ROBO1: variants seen among roughly 807,000 people sequenced by gnomAD.
ROBO1 encodes the protein roundabout homolog 1.
Under a neutral mutation model 195.9 loss-of-function variants are expected in ROBO1, and 149 were observed. The ratio of observed to expected loss-of-function variants is 0.76; its 90% CI spans 0.67 to 0.87. The LOEUF is 0.87. ROBO1 is among the 40% of genes least tolerant of loss of function. The probability of loss-of-function intolerance (pLI) is 0.00; values close to 1 mark genes in which losing one functional copy is unlikely to be tolerated. For missense variants in ROBO1, 1,933 were observed against 2,068.3 expected (o/e 0.93, Z 1.27); for synonymous variants, 816 against 733.2 (o/e 1.11, Z -1.82).
chr3:79,408,888 A>G (rs1005523102), intron 2 of ROBO1, among the ~76,000 whole-genome samples: 2 of 152,140 alleles, frequency 1.3e-5, no homozygotes, highest in African/African-American at 2.4e-5. Flanking sequence ...ATATATTCCA[A>G]AATAACTTAC....
chr3:79,725,022 C>A (rs1702854157), intron 1 of ROBO1, among the ~76,000 whole-genome samples: 1 of 152,064 alleles, frequency 6.6e-6, no homozygotes, highest in African/African-American at 2.4e-5. Flanking sequence ...AAAGATGATT[C>A]TCTTTCCAGT....
intron 3 of ROBO1, among the ~76,000 whole-genome samples, chr3:78,972,588 G>A (rs760403864): frequency 2.6e-5 from 4 of 152,078 alleles, no homozygotes; most frequent in African/African-American, 7.2e-5. Context: ...TTCATGATTC[G>A]TTTTCTTTCA....
chr3:79,460,545 T>C (rs1041780851), intron 2 of ROBO1, among the ~76,000 whole-genome samples: 1 of 152,202 alleles, frequency 6.6e-6, no homozygotes, highest in Non-Finnish European at 1.5e-5. Context: ...AGAGTATTTA[T>C]AGATCTGAGA....
At position 79,500,118 on chromosome 3, in the gene ROBO1, T is replaced by TG. The variant is rs1559944118; in HGVS notation, c.88+89705_88+89706insC. On this transcript the variant is annotated intron_variant, in intron 2 of 30. Transcript: ENST00000464233. ...CCATCCCATGCGGCAGTAAGTTTTC[T>TG]CTTTTTTTTTTTTTTTTTTTTTTTT... Among the ~76,000 whole-genome samples, 594 of 124,126 alleles carry TG rather than the reference T, an allele frequency of 4.8e-3. 13 individuals are homozygous for TG. Among genetic ancestry groups the TG allele is most frequent in the African/African-American group, 0.018 (533 of 30,140 alleles). The allele number at this position is 124,126 out of a possible 152,430, so 81.4% of individuals were successfully genotyped here.
chr3:79,559,672 C>T (rs995283963), intron 2 of ROBO1, among the ~76,000 whole-genome samples: 5 of 152,036 alleles, frequency 3.3e-5, no homozygotes, highest in African/African-American at 1.2e-4. Flanking sequence ...TAATCCCAGA[C>T]CTTTGGGAGG....
intron 2 of ROBO1, among the ~76,000 whole-genome samples, chr3:79,474,259 G>A (rs930136557): frequency 5.3e-5 from 8 of 152,098 alleles, no homozygotes; most frequent in Admixed American, 4.6e-4. Context: ...GAATCTCTAA[G>A]TGACTGTATA....
At chr3:79,087,340 T>TC (rs1168103525) in intron 3 of ROBO1, among the ~76,000 whole-genome samples, 6 of 152,124 alleles carry the variant, frequency 3.9e-5, no homozygotes, top group Non-Finnish European at 8.8e-5. Context: ...CTAGATTATT[T>TC]CCCGTTCATT....
intron 2 of ROBO1, among the ~76,000 whole-genome samples, chr3:79,183,046 A>G (rs948770314): frequency 6.8e-5 from 10 of 146,348 alleles, no homozygotes; most frequent in Admixed American, 4.9e-4. Context: ...GCGCCGCTGC[A>G]CTCTAGCCTG....
chr3:79,521,622 A>C (rs2107580261), intron 2 of ROBO1, among the ~76,000 whole-genome samples: 1 of 152,326 alleles, frequency 6.6e-6, no homozygotes, highest in South Asian at 2.1e-4. Context: ...CCCTCAAGAC[A>C]AATCCCACAC....
At chr3:79,396,480 A>G (rs771049753) in intron 2 of ROBO1, among the ~76,000 whole-genome samples, 7 of 152,122 alleles carry the variant, frequency 4.6e-5, no homozygotes, top group Non-Finnish European at 7.4e-5. Flanking sequence ...CATTAAAAAA[A>G]AGTACCTTCG....
intron 3 of ROBO1, among the ~76,000 whole-genome samples, chr3:79,002,231 A>G (rs576732465): frequency 9.9e-5 from 15 of 152,180 alleles, no homozygotes; most frequent in Admixed American, 3.9e-4. Context: ...ATGAAGGGGG[A>G]TATGTCACAC....
chr3:79,281,800 G>A (rs982868814), intron 2 of ROBO1, among the ~76,000 whole-genome samples: 3 of 152,060 alleles, frequency 2.0e-5, no homozygotes, highest in Admixed American at 1.3e-4. Context: ...TGCAAATGAG[G>A]CAACCAAGCC....
intron 2 of ROBO1, among the ~76,000 whole-genome samples, chr3:79,296,941 C>A (rs1266256252): frequency 6.6e-6 from 1 of 152,078 alleles, no homozygotes; most frequent in Non-Finnish European, 1.5e-5. Flanking sequence ...AAGTTTTAAA[C>A]CTATGAATTT....
chr3:78,744,177 G>T (rs964613048), intron 5 of ROBO1, among the ~76,000 whole-genome samples: 1 of 152,120 alleles, frequency 6.6e-6, no homozygotes, highest in Non-Finnish European at 1.5e-5. Context: ...TACCATTTCA[G>T]TTGAGCAGGC....
intron 2 of ROBO1, among the ~76,000 whole-genome samples, chr3:79,497,213 A>T (rs1939795464): frequency 6.6e-6 from 1 of 152,164 alleles, no homozygotes; most frequent in South Asian, 2.1e-4. Flanking sequence ...GATACACATT[A>T]TTTAACCAGT....
At chr3:78,652,207 G>A (rs970978783) in intron 18 of ROBO1, among the ~76,000 whole-genome samples, 2 of 152,134 alleles carry the variant, frequency 1.3e-5, no homozygotes, top group Non-Finnish European at 2.9e-5. Context: ...AACCAAAGAG[G>A]TTTGCAGGTT....
chr3:78,636,935 T>TTA (rs55894934), intron 22 of ROBO1, among the ~76,000 whole-genome samples: 14,459 of 95,978 alleles, frequency 0.15, 1,371 homozygotes, highest in Admixed American at 0.18. Flanking sequence ...TACATTCATT[T>TTA]TATATATATA....
intron 3 of ROBO1, among the ~76,000 whole-genome samples, chr3:79,093,943 T>G (rs1472075618): frequency 1.3e-5 from 2 of 152,054 alleles, no homozygotes; most frequent in Non-Finnish European, 2.9e-5. Flanking sequence ...CCCTTGAAAT[T>G]AGAGTTGACT....
chr3:78,833,536 A>T (rs2032425204), intron 4 of ROBO1, among the ~76,000 whole-genome samples: 1 of 152,176 alleles, frequency 6.6e-6, no homozygotes, highest in African/African-American at 2.4e-5. Context: ...AGGATATATC[A>T]AACTTTCAAA....
Sources: allele counts gnomAD v4.1 joint callset (sites outside exome capture counted in the v4.1 genomes callset), GRCh38; gene constraint gnomAD v4.1.1; transcripts MANE v1.5; gene names NCBI Gene and HGNC (gene_info 2026-07-23, HGNC 2026-07-21).